SHD: variants seen among roughly 807,000 people sequenced by gnomAD.
SHD encodes the protein SH2 domain-containing adapter protein D.
A neutral mutation model predicts 31.2 loss-of-function variants in SHD; 29 were observed. That is an observed-to-expected ratio of 0.93 (90% CI 0.69 to 1.27). The LOEUF (loss-of-function observed/expected upper bound fraction) is 1.27, where lower values mean the gene tolerates loss of function less well. Ranked by LOEUF, SHD falls within the 50% of genes most tolerant of loss-of-function variation. The pLI, the probability that SHD is intolerant of heterozygous loss-of-function variation, is 0.00. For missense variants in SHD, 520 were observed against 453.8 expected (o/e 1.15, Z -1.33); for synonymous variants, 208 against 187.8 (o/e 1.11, Z -0.88).
chr19:4,285,589 G>A (rs1406203781), intron 4 of SHD, among the ~76,000 whole-genome samples: 1 of 149,962 alleles, frequency 6.7e-6, no homozygotes, highest in Non-Finnish European at 1.5e-5. Context: ...TTGCTGTGTC[G>A]CCCAGGCTGG....
intron 1 of SHD, among the ~76,000 whole-genome samples, chr19:4,280,655 G>T (rs1181081748): frequency 6.6e-6 from 1 of 152,034 alleles, no homozygotes; most frequent in Non-Finnish European, 1.5e-5. Flanking sequence ...AGCCTCTCCA[G>T]TAGCTGAGAT....
At chr19:4,286,313 TTCCTACCTTCCTTCCTTCCTTC>T (rs1568369509) in intron 4 of SHD, among the ~76,000 whole-genome samples, 2 of 140,188 alleles carry the variant, frequency 1.4e-5, no homozygotes, top group South Asian at 2.3e-4. Context: ...CCTTCCTTCC[TTCCTACCTTCCTTCCTTCCTTC>T]CTTTCTTTCT....
rs776244730 is a variant in SHD at position 4,288,339 on chromosome 19, C to G, written c.813C>G (p.Pro271=). The G allele has an allele frequency of 6.2e-7, 1 of 1,613,442 alleles. No individual in the cohort carries two copies. Among genetic ancestry groups the G allele is most frequent in the African/African-American group, 1.3e-5 (1 of 74,892 alleles). Residue 271 remains proline, a synonymous_variant, in exon 5 of 6, where the codon CCC becomes CCG. Transcript: ENST00000543264. ...TAGTGCGGCTCAGTGAGACCAACCCCCAGGACTGCTCCTTGTCTCTCAGGT... is the reference window on the plus strand; with the variant it reads ...TAGTGCGGCTCAGTGAGACCAACCCGCAGGACTGCTCCTTGTCTCTCAGGT... ...SYLVRLSETN[P]QDCSLSLRSS...
rs781395625 is a variant in SHD at position 4,288,308 on chromosome 19, G to A, written c.782G>A (p.Ser261Asn). ...CTCCTGTCCCTCTGCAAGGAAGGCA[G>A]CTACCTAGTGCGGCTCAGTGAGACC... ...ESLLSLCKEG[S>N]YLVRLSETNP... Residue 261 changes from serine (S) to asparagine (N), a missense_variant, in exon 5 of 6, where the codon AGC becomes AAC. Coordinates refer to ENST00000543264, the MANE Select transcript of SHD (RefSeq NM_020209.4). The A allele has an allele frequency of 1.7e-5, 28 of 1,613,866 alleles. No individual in the cohort carries two copies. The Admixed American group carries it at 4.7e-4, about 27-fold the overall frequency.
intron 3 of SHD, 90 bp from the exon 4 acceptor site, chr19:4,284,691 C>T: frequency 1.5e-6 from 2 of 1,363,618 alleles, no homozygotes; most frequent in Non-Finnish European, 1.9e-6. Flanking sequence ...GCTGGCCCTG[C>T]CTTTCTACCG....
intron 5 of SHD, among the ~76,000 whole-genome samples, chr19:4,289,819 C>T (rs1396752651): frequency 6.6e-6 from 1 of 151,146 alleles, no homozygotes; most frequent in African/African-American, 2.4e-5. Context: ...GATCCGCCTG[C>T]CTTGGCCTCC....
At chr19:4,287,359 CAG>C (rs1202439686) in intron 4 of SHD, among the ~76,000 whole-genome samples, 3 of 151,166 alleles carry the variant, frequency 2.0e-5, no homozygotes, top group Admixed American at 6.6e-5. Flanking sequence ...AAGAAAAAAA[CAG>C]AAAGGGACAG....
chr19:4,285,889 CTTTTTTTT>C (rs56142317), intron 4 of SHD, among the ~76,000 whole-genome samples: 8 of 87,368 alleles, frequency 9.2e-5, no homozygotes, highest in Admixed American at 1.6e-4. Flanking sequence ...CTTTTCCTTT[CTTTTTTTT>C]TTTTTTTTTT....
At chr19:4,282,176 T>C (rs1018183678) in intron 1 of SHD, among the ~76,000 whole-genome samples, 1 of 152,012 alleles carries the variant, frequency 6.6e-6, no homozygotes, top group African/African-American at 2.4e-5. Context: ...TCCCAGCACT[T>C]TGAGAGGCTG....
chr19:4,288,372 C>A lies in SHD; in HGVS notation c.836+10C>A. 6.2e-7 allele frequency: 1 copy of A among 1,610,666 alleles called. No individual in the cohort carries two copies. The highest frequency in any genetic ancestry group is 1.1e-5 in the South Asian group (1 of 90,634). On this transcript the variant is annotated intron_variant, in intron 5 of 5. Coordinates refer to ENST00000543264, the MANE Select transcript of SHD (RefSeq NM_020209.4). ...GCTCCTTGTCTCTCAGGTGAGAACT[C>A]AGCCTCACAGGGACGAAGGGTCACA...
intron 4 of SHD, 200 bp from the exon 5 acceptor site, chr19:4,288,043 A>G: frequency 7.1e-6 from 3 of 421,462 alleles, no homozygotes; most frequent in Non-Finnish European, 1.2e-5. Flanking sequence ...CTGGGATTAC[A>G]GGCACCCGCC....
chr19:4,289,988 G>A (rs1032270251), intron 5 of SHD, among the ~76,000 whole-genome samples: 12 of 151,884 alleles, frequency 7.9e-5, no homozygotes, highest in Admixed American at 2.6e-4. Flanking sequence ...GGATTCTCAT[G>A]CCTCAGCCTC....
chr19:4,288,379 A>G lies in SHD; in HGVS notation c.836+17A>G. ...GTCTCTCAGGTGAGAACTCAGCCTC[A>G]CAGGGACGAAGGGTCACAGGATTGC... On this transcript the variant is annotated intron_variant, in intron 5 of 5. Transcript: ENST00000543264. The G allele has an allele frequency of 2.5e-6, 4 of 1,608,766 alleles. No individual in the cohort carries two copies. In the South Asian group the frequency reaches 4.4e-5, roughly 18 times the overall value.
rs1295824946 is a variant in SHD at position 4,280,018 on chromosome 19, T to TG, written c.-41dup. 6.6e-7 allele frequency: 1 copy of TG among 1,526,400 alleles called. No individual in the cohort carries two copies. Among genetic ancestry groups the TG allele is most frequent in the East Asian group, 2.4e-5 (1 of 42,130 alleles). The allele number at this position is 1,526,400 out of a possible 1,614,324, so 94.6% of individuals were successfully genotyped here. ...GGAAAGGGGCCCGGAGAAGGGCATG[T>TG]GGGGGCCCCTCTGACAGTGGCCCGA... On this transcript the variant is annotated 5_prime_UTR_variant, in exon 1 of 6. An upstream open reading frame in the 5' UTR loses its in-frame stop. Coordinates refer to ENST00000543264, the MANE Select transcript of SHD (RefSeq NM_020209.4).
chr19:4,283,229 C>T lies in SHD; in HGVS notation c.579C>T (p.Ser193=), dbSNP rs1971275212. The T allele has an allele frequency of 8.1e-6, 13 of 1,612,462 alleles. No homozygotes were observed. Among genetic ancestry groups the T allele is most frequent in the Non-Finnish European group, 1.1e-5 (13 of 1,178,736 alleles). The change falls in exon 3 of 6, where the codon TCC becomes TCT. Residue 193 remains serine, a synonymous_variant. Coordinates refer to ENST00000543264, the MANE Select transcript of SHD (RefSeq NM_020209.4). ...QPWEWKKDHI[S]RAFAVQFDSP... ...GGGAGTGGAAGAAAGACCACATCTC[C>T]AGGGCGTTTGCAGGTGCTTCTCAGA...
chr19:4,282,195 G>C (rs1599511712), intron 1 of SHD, among the ~76,000 whole-genome samples: 1 of 151,714 alleles, frequency 6.6e-6, no homozygotes, highest in South Asian at 2.1e-4. Context: ...TGAAGCGGGC[G>C]GATCATCTGA....
rs1284046303 is a variant in SHD at position 4,290,551 on chromosome 19, T to C, written c.941T>C (p.Leu314Pro). The change falls in exon 6 of 6, where the codon CTC (leucine) becomes CCC (proline). Residue 314 changes from leucine to proline, a missense_variant. By Grantham distance (98) the Leu-to-Pro change is moderately conservative. Coordinates refer to ENST00000543264, the MANE Select transcript of SHD (RefSeq NM_020209.4). ...TTCCCCAGCGTGCCCGAGCTCGTCC[T>C]CCACTACAGTTCACGCCCACTGCCG... is the stretch of plus-strand genomic sequence containing the variant. ...GPFPSVPELV[L>P]HYSSRPLPVQ... 3 of 1,613,706 alleles carry C rather than the reference T, an allele frequency of 1.9e-6. No individual in the cohort carries two copies. The highest frequency in any genetic ancestry group is 2.5e-6 in the Non-Finnish European group (3 of 1,180,010).
At chr19:4,288,120 G>A (rs1174202327) in intron 4 of SHD, 123 bp from the exon 5 acceptor site, 5 of 1,184,636 alleles carry the variant, frequency 4.2e-6, no homozygotes, top group Non-Finnish European at 4.6e-6. Context: ...AGGGAGACTG[G>A]TTTCGAACTC....
rs1485180957 is a variant in SHD at position 4,286,339 on chromosome 19, T to C, written c.716+1435T>C. Among the ~76,000 whole-genome samples the C allele has an allele frequency of 4.2e-4, 59 of 140,550 alleles. 1 individual carries two copies. The highest frequency in any genetic ancestry group is 6.4e-4 in the Non-Finnish European group (42 of 66,012). 92.2% of individuals were successfully genotyped at this position (140,550 alleles called of 152,430 possible). On this transcript the variant is annotated intron_variant, in intron 4 of 5. Coordinates refer to ENST00000543264, the MANE Select transcript of SHD (RefSeq NM_020209.4). Reference sequence around the variant, plus strand: ...TCCTACCTTCCTTCCTTCCTTCCTTTCTTTCTCTCTTTCTTTCTTTCTTTT... The same window carrying C: ...TCCTACCTTCCTTCCTTCCTTCCTTCCTTTCTCTCTTTCTTTCTTTCTTTT...
Sources: gnomAD v4.1 joint callset for allele counts (sites outside exome capture counted in the v4.1 genomes callset) on GRCh38, gnomAD v4.1.1 for gene constraint, MANE v1.5 for transcripts, NCBI Gene and HGNC (gene_info 2026-07-23, HGNC 2026-07-21) for gene names.